The following GRIP1 variants were observed in gnomAD, a reference collection of about 807,000 sequenced individuals.
GRIP1 encodes the protein glutamate receptor interacting protein 1, also known as glutamate receptor-interacting protein 1.
A neutral mutation model predicts 129.9 loss-of-function variants in GRIP1; 45 were observed. That is an observed-to-expected ratio of 0.35 (90% CI 0.27 to 0.44). GRIP1 has a LOEUF of 0.44. Ranked by LOEUF, GRIP1 falls within the 20% of genes least tolerant of loss-of-function variation. The probability of loss-of-function intolerance (pLI) is 1.00; values close to 1 mark genes in which losing one functional copy is unlikely to be tolerated. For synonymous variants in GRIP1, 530 were observed against 520.8 expected, an observed-to-expected ratio of 1.02 and a Z score of -0.24; for missense variants, 1,196 against 1,396.8, an observed-to-expected ratio of 0.86 and a Z score of 2.29.
intron 1 of GRIP1, among the ~76,000 whole-genome samples, chr12:67,030,281 T>C (rs2135775605): frequency 1.3e-5 from 2 of 151,694 alleles, no homozygotes; most frequent in Admixed American, 1.3e-4. Flanking sequence ...ACTATAAACA[T>C]TCCCTAAGAC....
intron 1 of GRIP1, among the ~76,000 whole-genome samples, chr12:67,025,985 G>A (rs1279082946): frequency 1.3e-5 from 2 of 152,020 alleles, no homozygotes; most frequent in African/African-American, 2.4e-5. Context: ...GAGGAGTGAA[G>A]GTGCATAGTC....
intron 1 of GRIP1, among the ~76,000 whole-genome samples, chr12:66,641,037 G>A (rs553267542): frequency 6.6e-6 from 1 of 152,170 alleles, no homozygotes. Flanking sequence ...TATGCTAGAG[G>A]AGGCTGAGTA....
chr12:66,416,990 G>C (rs924233169), intron 15 of GRIP1, among the ~76,000 whole-genome samples: 5 of 151,482 alleles, frequency 3.3e-5, no homozygotes, highest in African/African-American at 1.2e-4. Flanking sequence ...AAAAGAAAAA[G>C]AAAACTATGG....
At chr12:66,747,258 T>G (rs191655423) in intron 1 of GRIP1, among the ~76,000 whole-genome samples, 1 of 152,290 alleles carries the variant, frequency 6.6e-6, no homozygotes, top group Admixed American at 6.5e-5. Context: ...ATTCCTTGGC[T>G]GTATAAACTA....
At chr12:67,009,046 T>C (rs1186907956) in intron 1 of GRIP1, among the ~76,000 whole-genome samples, 1 of 152,160 alleles carries the variant, frequency 6.6e-6, no homozygotes, top group Non-Finnish European at 1.5e-5. Flanking sequence ...ATTGAGACAC[T>C]GGAGTTTTAT....
chr12:66,720,517 C>T (rs1282501646), intron 1 of GRIP1, among the ~76,000 whole-genome samples: 2 of 152,196 alleles, frequency 1.3e-5, no homozygotes, highest in African/African-American at 4.8e-5. Flanking sequence ...GTATTTTACC[C>T]ACAGTAGAAC....
At chr12:66,589,174 A>C (rs2063755045) in intron 2 of GRIP1, among the ~76,000 whole-genome samples, 1 of 147,036 alleles carries the variant, frequency 6.8e-6, no homozygotes, top group African/African-American at 2.6e-5. Context: ...GTACTTGTAT[A>C]ATTATTCCCC....
intron 13 of GRIP1, among the ~76,000 whole-genome samples, chr12:66,434,229 C>A (rs2058234111): frequency 6.6e-6 from 1 of 152,198 alleles, no homozygotes; most frequent in South Asian, 2.1e-4. Flanking sequence ...GATCCCCAGA[C>A]TGGCCCTCTC....
At chr12:66,374,100 T>C (rs780024704) in intron 22 of GRIP1, among the ~76,000 whole-genome samples, 9 of 152,230 alleles carry the variant, frequency 5.9e-5, no homozygotes, top group Non-Finnish European at 1.3e-4. Context: ...CCTTTTTAAG[T>C]TGATTGAAAC....
rs5798843 is a variant in GRIP1 at position 66,896,480 on chromosome 12, G to GAAAAA, written c.58+172565_58+172569dup. Among the ~76,000 whole-genome samples, 4 of 107,842 alleles carry GAAAAA rather than the reference G, an allele frequency of 3.7e-5. 1 individual carries two copies. The highest frequency in any genetic ancestry group is 3.6e-4 in the South Asian group (1 of 2,768). The allele number at this position is 107,842 out of a possible 152,430, so 70.7% of individuals were successfully genotyped here. ...TGAGAATATTACCTCTGAGGAATTT[G>GAAAAA]AAAAAAAAAAAAAAAACTTTGGTGG... On this transcript the variant is annotated intron_variant, in intron 1 of 1. Coordinates refer to the GRIP1 transcript ENST00000643019.
chr12:66,987,644 T>G (rs140518073), intron 1 of GRIP1, among the ~76,000 whole-genome samples: 30 of 152,212 alleles, frequency 2.0e-4, no homozygotes, highest in African/African-American at 6.5e-4. Context: ...AATCAATCTT[T>G]TCCAAAGGAG....
chr12:66,748,681 C>T (rs2037029387), intron 1 of GRIP1, among the ~76,000 whole-genome samples: 1 of 152,188 alleles, frequency 6.6e-6, no homozygotes, highest in Non-Finnish European at 1.5e-5. Flanking sequence ...CTTTCCTTCA[C>T]AGCCCTGATT....
intron 1 of GRIP1, among the ~76,000 whole-genome samples, chr12:66,742,798 A>G (rs1477221670): frequency 6.6e-6 from 1 of 152,196 alleles, no homozygotes; most frequent in African/African-American, 2.4e-5. Flanking sequence ...AATAAAAAAT[A>G]GAGAATGTCA....
At chr12:66,475,867 G>A (rs2059591426) in intron 7 of GRIP1, among the ~76,000 whole-genome samples, 2 of 152,168 alleles carry the variant, frequency 1.3e-5, no homozygotes, top group Non-Finnish European at 2.9e-5. Flanking sequence ...ATGCCCACAA[G>A]AGAAAGCAGG....
chr12:66,950,903 A>G (rs1179928848), intron 1 of GRIP1, among the ~76,000 whole-genome samples: 2 of 152,210 alleles, frequency 1.3e-5, no homozygotes, highest in Non-Finnish European at 2.9e-5. Flanking sequence ...AGAAAGTGCT[A>G]TGATGTGTTG....
intron 1 of GRIP1, among the ~76,000 whole-genome samples, chr12:66,614,022 C>G (rs1468044848): frequency 6.6e-6 from 1 of 152,146 alleles, no homozygotes; most frequent in African/African-American, 2.4e-5. Flanking sequence ...GCTTTGAATA[C>G]ACCATGTGGT....
chr12:66,657,766 C>T (rs541258421), intron 1 of GRIP1, among the ~76,000 whole-genome samples: 2 of 152,178 alleles, frequency 1.3e-5, no homozygotes, highest in African/African-American at 2.4e-5. Flanking sequence ...TAGCATGAAC[C>T]TAATCGCCAT....
intron 1 of GRIP1, among the ~76,000 whole-genome samples, chr12:67,023,917 AT>A (rs201735587): frequency 1.3e-5 from 2 of 151,350 alleles, no homozygotes; most frequent in African/African-American, 4.9e-5. Flanking sequence ...CTTTTCTTTG[AT>A]TTTTTTTCTC....
At chr12:66,676,761 T>C (rs2034354347) in intron 1 of GRIP1, among the ~76,000 whole-genome samples, 1 of 152,118 alleles carries the variant, frequency 6.6e-6, no homozygotes, top group Admixed American at 6.6e-5. Context: ...TGTCCCCAAA[T>C]ACACTCCTGA....
Sources: gnomAD v4.1 joint callset for allele counts (sites outside exome capture counted in the v4.1 genomes callset) on GRCh38, gnomAD v4.1.1 for gene constraint, MANE v1.5 for transcripts, NCBI Gene and HGNC (gene_info 2026-07-23, HGNC 2026-07-21) for gene names.